TDP1: variants seen among roughly 807,000 people sequenced by gnomAD.
TDP1 encodes tyr-DNA phosphodiesterase 1.
A neutral mutation model predicts 81.5 loss-of-function variants in TDP1; 64 were observed. The observed-to-expected ratio is 0.79, with a 90% CI of 0.64 to 0.97. TDP1 has a LOEUF of 0.97. Among genes scored for constraint, TDP1 ranks in the 50% least tolerant of loss-of-function variants. The pLI is 0.00. For synonymous variants in TDP1, 256 were observed against 264.3 expected, an observed-to-expected ratio of 0.97 and a Z score of 0.30; for missense variants, 723 against 743.8, an observed-to-expected ratio of 0.97 and a Z score of 0.33.
At position 89,971,994 on chromosome 14, in the gene TDP1, G is replaced by A. The variant is rs368406262; in HGVS notation, c.756+723G>A. Reference sequence around the variant, plus strand: ...AAACTGTTAGGAAACTATGTGAGTCGTATGCTGTGTATGATCTAAGTCCAA... The same window carrying A: ...AAACTGTTAGGAAACTATGTGAGTCATATGCTGTGTATGATCTAAGTCCAA... On this transcript the variant is annotated intron_variant, in intron 6 of 16. Coordinates refer to ENST00000335725, the MANE Select transcript of TDP1 (RefSeq NM_018319.4). Among the ~76,000 whole-genome samples, 5 of 152,206 alleles carry A rather than the reference G, an allele frequency of 3.3e-5. No individual in the cohort carries two copies. In the South Asian group the frequency reaches 1.0e-3, roughly 32 times the overall value.
chr14:89,962,206 T>C, intron 2 of TDP1, among the ~76,000 whole-genome samples: 1 of 152,174 alleles, frequency 6.6e-6, no homozygotes, highest in African/African-American at 2.4e-5. Flanking sequence ...TATCTTGATA[T>C]AATTATATCC....
chr14:90,023,366 G>A (rs1465214310), intron 15 of TDP1, among the ~76,000 whole-genome samples: 1 of 152,130 alleles, frequency 6.6e-6, no homozygotes, highest in Non-Finnish European at 1.5e-5. Flanking sequence ...GGGATGGGGC[G>A]TGGGTATGAG....
chr14:89,973,044 T>C (rs149274674), intron 6 of TDP1, among the ~76,000 whole-genome samples: 26 of 151,054 alleles, frequency 1.7e-4, no homozygotes, highest in Admixed American at 1.6e-3. Flanking sequence ...ATTAATACAG[T>C]ACAAGAGCTC....
chr14:90,012,157 T>TTA (rs1884786787), intron 14 of TDP1, among the ~76,000 whole-genome samples: 1 of 152,190 alleles, frequency 6.6e-6, no homozygotes, highest in Admixed American at 6.5e-5. Context: ...CCTTGGTGGC[T>TTA]TACACATTGT....
chr14:89,980,827 C>T (rs543001384), intron 8 of TDP1, 195 bp downstream of exon 8: 1 of 599,466 alleles, frequency 1.7e-6, no homozygotes, highest in East Asian at 2.9e-5. Context: ...CTTGGGGTAA[C>T]CAGTGTTAAC....
chr14:90,031,673 C>A (rs924202869), intron 15 of TDP1, among the ~76,000 whole-genome samples: 6 of 151,912 alleles, frequency 3.9e-5, no homozygotes, highest in African/African-American at 1.5e-4. Flanking sequence ...ACAAAGAAAC[C>A]TAATAAAAGT....
chr14:89,980,553 C>T lies in TDP1; in HGVS notation c.805C>T (p.Leu269=). 1 of 1,614,026 alleles carries T rather than the reference C, an allele frequency of 6.2e-7. No homozygotes were observed. Among genetic ancestry groups the T allele is most frequent in the Non-Finnish European group, 8.5e-7 (1 of 1,179,928 alleles). The change falls in exon 8 of 17, where the codon CTG becomes TTG. Residue 269 remains leucine (L), a synonymous_variant. Transcript: ENST00000335725. The part of the protein sequence containing the change: ...FGTHHTKMML[L]LYEEGLRVVI... Reference sequence around the variant, plus strand: ...CTGTTTTTAAAGGAAAATGATGCTGCTGCTCTATGAAGAAGGCCTCCGGGT... The same window carrying T: ...CTGTTTTTAAAGGAAAATGATGCTGTTGCTCTATGAAGAAGGCCTCCGGGT...
intron 14 of TDP1, among the ~76,000 whole-genome samples, chr14:90,000,319 A>G (rs1235759211): frequency 6.6e-6 from 1 of 152,126 alleles, no homozygotes; most frequent in African/African-American, 2.4e-5. Context: ...CATATTCACA[A>G]TTCTGGCTTA....
intron 16 of TDP1, among the ~76,000 whole-genome samples, chr14:90,036,295 A>G (rs1036340847): frequency 1.3e-5 from 2 of 152,228 alleles, no homozygotes; most frequent in South Asian, 4.1e-4. Context: ...ACCAGTTCAT[A>G]TATAGCCAAC....
rs1430888255 is a variant in TDP1, at chr14:90,033,182, A to G, written c.1721A>G (p.Tyr574Cys). Residue 574 changes from tyrosine to cysteine, a missense_variant, in exon 16 of 17, where the codon TAT becomes TGT. Coordinates refer to ENST00000335725, the MANE Select transcript of TDP1 (RefSeq NM_018319.4). ...CCAATGGCCACCTTTCCTGTGCCATATGATTTGCCTCCAGAACTGTATGGA... is the reference window on the plus strand; with the variant it reads ...CCAATGGCCACCTTTCCTGTGCCATGTGATTTGCCTCCAGAACTGTATGGA... ...QEPMATFPVP[Y>C]DLPPELYGSK... 1.9e-6 allele frequency: 3 copies of G among 1,611,796 alleles called. No individual in the cohort carries two copies. In the African/African-American group the frequency reaches 4.0e-5, roughly 22 times the overall value.
chr14:89,992,054 T>G (rs1024407730), intron 13 of TDP1, 71 bp downstream of exon 13: 2 of 845,708 alleles, frequency 2.4e-6, no homozygotes, highest in African/African-American at 1.8e-4. Flanking sequence ...CACTGGTTTG[T>G]TTTTTTTTTT....
At chr14:90,015,887 G>A (rs1017801291) in intron 14 of TDP1, among the ~76,000 whole-genome samples, 1 of 151,934 alleles carries the variant, frequency 6.6e-6, no homozygotes, top group Non-Finnish European at 1.5e-5. Context: ...GAATTCTGGG[G>A]GACACAAACA....
intron 2 of TDP1, among the ~76,000 whole-genome samples, chr14:89,962,497 T>A (rs1300732662): frequency 2.6e-5 from 4 of 152,168 alleles, no homozygotes; most frequent in African/African-American, 4.8e-5. Context: ...GAATGAATGT[T>A]TGTTTTATTT....
rs1460166147 is a variant in TDP1 at position 89,966,180 on chromosome 14, C to G, written c.593C>G (p.Ser198Cys). The G allele has an allele frequency of 1.2e-6, 2 of 1,605,644 alleles. No homozygotes were observed. The highest frequency in any genetic ancestry group is 1.7e-6 in the Non-Finnish European group (2 of 1,172,510). The part of the protein sequence containing the change: ...ILSPLFGTLV[S>C]SAQFNYCFDV... ...TCTCCTTTATTTGGGACGCTTGTTT[C>G]TTCAGCTCAGGTGAGTATACCTTTA... is the stretch of plus-strand genomic sequence containing the variant. The change falls in exon 4 of 17, where the codon TCT becomes TGT. Residue 198 changes from serine (S) to cysteine (C), a missense_variant. By Grantham distance (112) the Ser-to-Cys change is moderately radical. Transcript: ENST00000335725.
At chr14:90,020,346 TCCTCCCTTCCTC>T (rs2058065912) in intron 15 of TDP1, among the ~76,000 whole-genome samples, 3 of 127,520 alleles carry the variant, frequency 2.4e-5, no homozygotes, top group Admixed American at 1.5e-4. Flanking sequence ...TTTCCTTCCT[TCCTCCCTTCCTC>T]CCTCCCTCCC....
At chr14:89,996,629 G>T (rs1369509484) in intron 14 of TDP1, among the ~76,000 whole-genome samples, 1 of 152,194 alleles carries the variant, frequency 6.6e-6, no homozygotes, top group African/African-American at 2.4e-5. Flanking sequence ...AGATGAGATG[G>T]TCATGTCTAC....
intron 4 of TDP1, 137 bp downstream of exon 4, chr14:89,966,327 T>C (rs1892945912): frequency 1.4e-6 from 1 of 710,290 alleles, no homozygotes; most frequent in African/African-American, 1.7e-5. Context: ...ACCTGGAGGC[T>C]GGCTCAAGTG....
At chr14:89,961,929 CT>C (rs1425229638) in intron 2 of TDP1, among the ~76,000 whole-genome samples, 2 of 152,158 alleles carry the variant, frequency 1.3e-5, no homozygotes, top group African/African-American at 2.4e-5. Flanking sequence ...TAATTTTCCC[CT>C]GGGTCTTGTG....
chr14:89,976,307 C>G (rs935477971), intron 7 of TDP1, among the ~76,000 whole-genome samples: 2 of 151,734 alleles, frequency 1.3e-5, no homozygotes, highest in African/African-American at 4.8e-5. Flanking sequence ...ACTTTGTGAC[C>G]CAGGCTGATC....
Sources: gnomAD v4.1 joint callset for allele counts (sites outside exome capture counted in the v4.1 genomes callset) on GRCh38, gnomAD v4.1.1 for gene constraint, MANE v1.5 for transcripts, NCBI Gene and HGNC (gene_info 2026-07-23, HGNC 2026-07-21) for gene names.